The following FGF14 variants were observed in gnomAD, a reference collection of about 807,000 sequenced individuals.
FGF14 encodes fibroblast growth factor 14, also known as fibroblast growth factor homologous factor 4.
FGF14 carries 5 observed loss-of-function variants against 25.5 expected under a neutral mutation model. The ratio of observed to expected loss-of-function variants is 0.20; its 90% CI spans 0.10 to 0.41. FGF14 has a LOEUF of 0.41. Ranked by LOEUF, FGF14 falls within the 10% of genes least tolerant of loss-of-function variation. FGF14 has a pLI of 1.00. For missense variants in FGF14, 222 were observed against 320.1 expected (o/e 0.69, Z 2.34); for synonymous variants, 138 against 118.3 (o/e 1.17, Z -1.08).
intron 1 of FGF14, among the ~76,000 whole-genome samples, chr13:101,929,331 A>G (rs1290168680): frequency 6.6e-6 from 1 of 152,198 alleles, no homozygotes; most frequent in African/African-American, 2.4e-5. Flanking sequence ...CAAGGTGGGT[A>G]TGGGGATTGC....
At chr13:101,751,630 A>G (rs1436660033) in intron 3 of FGF14, among the ~76,000 whole-genome samples, 1 of 152,182 alleles carries the variant, frequency 6.6e-6, no homozygotes, top group African/African-American at 2.4e-5. Context: ...CCCTTAGGTC[A>G]TATACAGCCT....
chr13:102,068,552 G>A (rs554201557), intron 1 of FGF14, among the ~76,000 whole-genome samples: 6 of 152,298 alleles, frequency 3.9e-5, no homozygotes, highest in South Asian at 2.1e-4. Flanking sequence ...TGGGCTTGGC[G>A]GGCCTGCACT....
At chr13:101,975,604 C>T (rs1016210634) in intron 1 of FGF14, among the ~76,000 whole-genome samples, 2 of 145,554 alleles carry the variant, frequency 1.4e-5, no homozygotes, top group African/African-American at 5.0e-5. Flanking sequence ...GGCTTGAGCA[C>T]AGATGAGTTA....
chr13:102,054,288 T>TA (rs1240557936), intron 1 of FGF14, among the ~76,000 whole-genome samples: 1 of 152,110 alleles, frequency 6.6e-6, no homozygotes, highest in East Asian at 1.9e-4. Flanking sequence ...AGAGTGCTTT[T>TA]AAAAAATCAA....
chr13:102,059,449 A>G (rs1288665428), intron 1 of FGF14, among the ~76,000 whole-genome samples: 1 of 152,254 alleles, frequency 6.6e-6, no homozygotes, highest in Non-Finnish European at 1.5e-5. Flanking sequence ...CTTGGAGTAT[A>G]GTTGTATAAA....
At chr13:101,733,648 T>C (rs2035975777) in intron 3 of FGF14, among the ~76,000 whole-genome samples, 1 of 150,142 alleles carries the variant, frequency 6.7e-6, no homozygotes, top group Non-Finnish European at 1.5e-5. Context: ...TTATCCTGAT[T>C]ACAGGACCCA....
At chr13:101,902,635 G>T (rs1253136126) in intron 1 of FGF14, among the ~76,000 whole-genome samples, 1 of 152,178 alleles carries the variant, frequency 6.6e-6, no homozygotes, top group Non-Finnish European at 1.5e-5. Flanking sequence ...GCAAGCGCCA[G>T]TAAGTGCAGA....
chr13:101,854,009 TATATG>T (rs1253111863), intron 3 of FGF14, among the ~76,000 whole-genome samples: 3 of 152,120 alleles, frequency 2.0e-5, no homozygotes, highest in Non-Finnish European at 4.4e-5. Context: ...GAATCACTAT[TATATG>T]ATGAGATAAA....
chr13:101,714,579 C>G lies in FGF14; in HGVS notation c.*8252G>C. ...GCAGTATTAACCTTTTCTAATTGCT[C>G]TATGCCACAGTTTGTTATAGAGCCA... On this transcript the variant is annotated 3_prime_UTR_variant, in exon 5 of 5. Coordinates refer to ENST00000376143, the MANE Select transcript of FGF14 (RefSeq NM_004115.4). The G allele has an allele frequency of 7.6e-7, 1 of 1,313,516 alleles. No individual in the cohort carries two copies. Among genetic ancestry groups the G allele is most frequent in the Non-Finnish European group, 1.1e-6 (1 of 906,616 alleles). The allele number at this position is 1,313,516 out of a possible 1,614,324, so 81.4% of individuals were successfully genotyped here. A position where few individuals can be genotyped will look rare whatever the true frequency, so the allele number is the denominator to read the frequency against.
chr13:101,723,252 T>TG, intron 4 of FGF14: 1 of 438,876 alleles, frequency 2.3e-6, no homozygotes, highest in Non-Finnish European at 4.2e-6. Flanking sequence ...GGCCTCTTTG[T>TG]GGGTCCATGA....
chr13:102,315,119 T>C (rs2055957933), intron 1 of FGF14, among the ~76,000 whole-genome samples: 1 of 151,954 alleles, frequency 6.6e-6, no homozygotes, highest in African/African-American at 2.4e-5. Flanking sequence ...AATGTGGTAA[T>C]ATATATGTAT....
At chr13:102,275,472 T>A (rs901760216) in intron 1 of FGF14, among the ~76,000 whole-genome samples, 2 of 152,082 alleles carry the variant, frequency 1.3e-5, no homozygotes, top group Admixed American at 6.6e-5. Flanking sequence ...AATCTTTACA[T>A]CAAACATAAC....
intron 1 of FGF14, among the ~76,000 whole-genome samples, chr13:101,915,679 T>C (rs1306883736): frequency 6.6e-6 from 1 of 152,220 alleles, no homozygotes; most frequent in East Asian, 1.9e-4. Context: ...AGGTAACTAT[T>C]CTAGTCACCT....
intron 1 of FGF14, among the ~76,000 whole-genome samples, chr13:101,960,153 A>T (rs755483385): frequency 5.9e-5 from 9 of 152,242 alleles, no homozygotes; most frequent in Non-Finnish European, 8.8e-5. Flanking sequence ...GGTATTAAGC[A>T]TATAAGCTGG....
intron 1 of FGF14, among the ~76,000 whole-genome samples, chr13:102,239,013 T>C (rs556822859): frequency 6.3e-4 from 96 of 151,838 alleles, no homozygotes; most frequent in African/African-American, 2.1e-3. Context: ...CAAAAGACGA[T>C]GGAACTCAGA....
chr13:102,387,458 G>A (rs1440695629), intron 1 of FGF14, among the ~76,000 whole-genome samples: 1 of 151,226 alleles, frequency 6.6e-6, no homozygotes, highest in Admixed American at 6.6e-5. Flanking sequence ...AATTCTTACA[G>A]AAAAAATAAT....
In FGF14 at chr13:101,962,325, G is replaced by A. The variant is rs139726553; in HGVS notation, c.209-87029C>T. Among the ~76,000 whole-genome samples, 274 of 152,248 alleles carry A rather than the reference G, an allele frequency of 1.8e-3. 1 individual carries two copies. The highest frequency in any genetic ancestry group is 6.2e-3 in the African/African-American group (257 of 41,548). On this transcript the variant is annotated intron_variant, in intron 1 of 4. Transcript: ENST00000376131. ...ATTTGATTCTCTTTGTAGCAATTGT[G>A]AATGGGAGTTCATTCATGATTTGAC...
intron 1 of FGF14, among the ~76,000 whole-genome samples, chr13:102,323,113 A>G (rs1404397551): frequency 6.6e-6 from 1 of 152,120 alleles, no homozygotes; most frequent in African/African-American, 2.4e-5. Context: ...TTTTTGCCCA[A>G]GTGTAAGGTT....
intron 1 of FGF14, among the ~76,000 whole-genome samples, chr13:102,120,409 G>A (rs772580404): frequency 3.3e-5 from 5 of 152,216 alleles, no homozygotes; most frequent in African/African-American, 1.2e-4. Context: ...AGTGTTAAAT[G>A]AGGAGAGCTA....
Sources: allele counts gnomAD v4.1 joint callset (sites outside exome capture counted in the v4.1 genomes callset), GRCh38; gene constraint gnomAD v4.1.1; transcripts MANE v1.5; gene names NCBI Gene and HGNC (gene_info 2026-07-23, HGNC 2026-07-21).